The following KREMEN1 variants were observed in gnomAD, a reference collection of about 807,000 sequenced individuals.
KREMEN1 encodes the protein kringle containing transmembrane protein 1, also known as kremen protein 1.
Under a neutral mutation model 46.5 loss-of-function variants are expected in KREMEN1, and 30 were observed. The ratio of observed to expected loss-of-function variants is 0.65; its 90% CI spans 0.48 to 0.88. The LOEUF is 0.88. Ranked by LOEUF, KREMEN1 falls within the 40% of genes least tolerant of loss-of-function variation. The pLI, the probability that KREMEN1 is intolerant of heterozygous loss-of-function variation, is 0.00. For missense variants in KREMEN1, 533 were observed against 596.9 expected, an observed-to-expected ratio of 0.89 and a Z score of 1.11; for synonymous variants, 214 against 230.6, an observed-to-expected ratio of 0.93 and a Z score of 0.65.
intron 5 of KREMEN1, among the ~76,000 whole-genome samples, chr22:29,127,949 A>C (rs2038472140): frequency 6.6e-6 from 1 of 152,158 alleles, no homozygotes; most frequent in Non-Finnish European, 1.5e-5. Context: ...ATGAACCTTG[A>C]AACCATTATT....
intron 3 of KREMEN1, among the ~76,000 whole-genome samples, chr22:29,107,055 G>C (rs536370715): frequency 6.6e-6 from 1 of 152,128 alleles, no homozygotes; most frequent in African/African-American, 2.4e-5. Flanking sequence ...CAGACCAGCT[G>C]TTCTCAGCGA....
At chr22:29,098,824 A>C in intron 2 of KREMEN1, 38 bp from the exon 3 acceptor site, 1 of 1,445,422 alleles carries the variant, frequency 6.9e-7, no homozygotes, top group South Asian at 1.1e-5. Flanking sequence ...TTGAATTAAA[A>C]CATCAGAAGT....
rs78986506 is a variant in KREMEN1 at position 29,137,614 on chromosome 22, A to G, written c.904A>G (p.Ile302Val). ...LSFNVSLDFV[I>V]LYFFSDRINQ... ...CTTCAACGTCTCTCTGGACTTCGTC[A>G]TCTTGTATTTCTTCTCTGATCGCAT... The change falls in exon 6 of 9, where the codon ATC becomes GTC. Residue 302 changes from isoleucine (I) to valine (V), a missense_variant. Ile to Val is a conservative substitution (Grantham distance 29). Transcript: ENST00000400335. The G allele has an allele frequency of 2.4e-4, 394 of 1,612,472 alleles. 1 individual carries two copies. In the African/African-American group the frequency reaches 4.5e-3, roughly 18 times the overall value.
intron 6 of KREMEN1, 113 bp downstream of exon 6, chr22:29,137,787 T>A: frequency 1.3e-6 from 1 of 770,568 alleles, no homozygotes; most frequent in Non-Finnish European, 2.0e-6. Context: ...CCTCAGGAAC[T>A]ACTGACTCAA....
intron 5 of KREMEN1, among the ~76,000 whole-genome samples, chr22:29,136,708 A>G (rs2038663000): frequency 6.6e-6 from 1 of 152,178 alleles, no homozygotes; most frequent in South Asian, 2.1e-4. Context: ...TATCAAAAAC[A>G]GGAGTCCAGA....
In KREMEN1 at chr22:29,164,656, G is replaced by A. The variant is rs539202037; in HGVS notation, c.1417-2388G>A. Among the ~76,000 whole-genome samples, 4 of 138,772 alleles carry A rather than the reference G, an allele frequency of 2.9e-5. No individual in the cohort carries two copies. The South Asian group carries it at 8.9e-4, about 31-fold the overall frequency. 91.0% of individuals were successfully genotyped at this position (138,772 alleles called of 152,430 possible). A position where few individuals can be genotyped will look rare whatever the true frequency, so the allele number is the denominator to read the frequency against. ...AGCTACTTCGGAGGCTGAGGCAGGA[G>A]AATCACTTGAACCCGGGAGGCAGAG... On this transcript the variant is annotated intron_variant, in intron 9 of 9. Coordinates refer to the KREMEN1 transcript ENST00000327813.
chr22:29,077,263 C>G (rs2037587899), intron 1 of KREMEN1, among the ~76,000 whole-genome samples: 1 of 152,178 alleles, frequency 6.6e-6, no homozygotes, highest in Non-Finnish European at 1.5e-5. Context: ...CTCTGTAGGG[C>G]AAAAGCAGCA....
intron 7 of KREMEN1, among the ~76,000 whole-genome samples, chr22:29,139,781 C>T (rs1052534941): frequency 6.6e-6 from 1 of 152,160 alleles, no homozygotes; most frequent in African/African-American, 2.4e-5. Flanking sequence ...GGTGACCTAG[C>T]CTGGAGGCTT....
rs2038740755 is a variant in KREMEN1, at chr22:29,140,310, C to G, written c.1152C>G (p.Leu384=). 20 of 1,614,108 alleles carry G rather than the reference C, an allele frequency of 1.2e-5. No individual in the cohort carries two copies. Among genetic ancestry groups the G allele is most frequent in the Non-Finnish European group, 1.7e-5 (20 of 1,179,938 alleles). ...PGWTVYGLAT[L]LILTVTAIVA... is the part of the protein sequence containing the mutation. ...GGACAGTCTATGGTCTGGCAACTCTCCTCATCCTCACAGTCACAGCCATTG... is the reference window on the plus strand; with the variant it reads ...GGACAGTCTATGGTCTGGCAACTCTGCTCATCCTCACAGTCACAGCCATTG... Residue 384 remains leucine (L), a synonymous_variant, in exon 8 of 9, where the codon CTC becomes CTG. Transcript: ENST00000400335.
chr22:29,135,995 C>T (rs1386022594), intron 5 of KREMEN1, among the ~76,000 whole-genome samples: 2 of 152,098 alleles, frequency 1.3e-5, no homozygotes, highest in Admixed American at 6.5e-5. Context: ...GATCTCGGCT[C>T]ACTGCAACCT....
rs552438179 is a variant in KREMEN1, at chr22:29,157,464, A to G, written c.1417-9580A>G. Among the ~76,000 whole-genome samples the G allele has an allele frequency of 5.3e-5, 8 of 152,334 alleles. No homozygotes were observed. The South Asian group carries it at 1.0e-3, about 20-fold the overall frequency. On this transcript the variant is annotated intron_variant, in intron 9 of 9. Transcript: ENST00000327813. ...GTGATTCTCCTGCCTCAGCCTCCCG[A>G]ATAGCTGGGATTACAGGCATGTGCC...
intron 3 of KREMEN1, chr22:29,099,487 TTA>T (rs2037939246): frequency 6.6e-6 from 1 of 152,192 alleles, no homozygotes; most frequent in Non-Finnish European, 1.5e-5. Context: ...CTTCAGCCTT[TTA>T]CTAAAATGCC....
chr22:29,114,481 C>T (rs562443961), intron 3 of KREMEN1, among the ~76,000 whole-genome samples: 75 of 88,450 alleles, frequency 8.5e-4, no homozygotes, highest in African/African-American at 3.9e-3. Context: ...AGTGAAACTC[C>T]GTGTCAAAAA....
At chr22:29,119,530 A>G (rs2038296870) in intron 3 of KREMEN1, among the ~76,000 whole-genome samples, 1 of 152,214 alleles carries the variant, frequency 6.6e-6, no homozygotes, top group Non-Finnish European at 1.5e-5. Flanking sequence ...CCAGGAGCCT[A>G]CCAAGAGTTG....
chr22:29,145,473 C>T lies in KREMEN1; in HGVS notation c.*3361C>T, dbSNP rs1271751091. The T allele has an allele frequency of 1.0e-6, 1 of 985,488 alleles. No individual in the cohort carries two copies. Among genetic ancestry groups the T allele is most frequent in the South Asian group, 4.7e-5 (1 of 21,288 alleles). The allele number at this position is 985,488 out of a possible 1,614,324, so 61.0% of individuals were successfully genotyped here. A position where few individuals can be genotyped will look rare whatever the true frequency, so the allele number is the denominator to read the frequency against. On this transcript the variant is annotated 3_prime_UTR_variant, in exon 9 of 9. Coordinates refer to ENST00000400335, the MANE Select transcript of KREMEN1 (RefSeq NM_001039570.3). ...CCCTGTTCCCCGCTGGCGCCAGGCC[C>T]TGCCTTCTTGGTACCTGTGCCAACA...
rs536605812 is a variant in KREMEN1 at position 29,081,052 on chromosome 22, A to G, written c.97+7825A>G. ...TGTGCACAACGTGCAGGTTAGTTACATATGTATACATGTGCCATGTTGGTG... is the reference window on the plus strand; with the variant it reads ...TGTGCACAACGTGCAGGTTAGTTACGTATGTATACATGTGCCATGTTGGTG... On this transcript the variant is annotated intron_variant, in intron 1 of 8. Coordinates refer to ENST00000400335, the MANE Select transcript of KREMEN1 (RefSeq NM_001039570.3). Among the ~76,000 whole-genome samples the G allele has an allele frequency of 2.0e-3, 299 of 147,446 alleles. 1 individual carries two copies. The highest frequency in any genetic ancestry group is 6.9e-3 in the African/African-American group (273 of 39,636).
chr22:29,075,436 C>T (rs2037551328), intron 1 of KREMEN1, among the ~76,000 whole-genome samples: 1 of 152,112 alleles, frequency 6.6e-6, no homozygotes, highest in African/African-American at 2.4e-5. Flanking sequence ...CAAGTTTGCA[C>T]CCCAAATTTT....
chr22:29,078,022 T>C (rs901569602), intron 1 of KREMEN1, among the ~76,000 whole-genome samples: 4 of 152,100 alleles, frequency 2.6e-5, no homozygotes, highest in African/African-American at 9.7e-5. Flanking sequence ...AAGGCTCAGG[T>C]GAATGGATCC....
downstream of KREMEN1, among the ~76,000 whole-genome samples, chr22:29,148,482 T>G (rs2038889503): frequency 6.7e-6 from 1 of 149,368 alleles, no homozygotes. Flanking sequence ...GGAGACGGAG[T>G]TTTGCTCATC....
Sources: allele counts gnomAD v4.1 joint callset (sites outside exome capture counted in the v4.1 genomes callset), GRCh38; gene constraint gnomAD v4.1.1; transcripts MANE v1.5; gene names NCBI Gene and HGNC (gene_info 2026-07-23, HGNC 2026-07-21).